Variants in SLC36A4 observed in about 807,000 individuals in gnomAD.
SLC36A4 encodes the protein neutral amino acid uniporter 4.
SLC36A4 carries 49 observed loss-of-function variants against 50.5 expected under a neutral mutation model. The ratio of observed to expected loss-of-function variants is 0.97; its 90% CI spans 0.77 to 1.23. SLC36A4 has a LOEUF of 1.23. SLC36A4 is among the 50% of genes most tolerant of loss of function. The pLI, the probability that SLC36A4 is intolerant of heterozygous loss-of-function variation, is 0.00. For missense variants in SLC36A4, 611 were observed against 608.4 expected (o/e 1.00, Z -0.05); for synonymous variants, 207 against 206.5 (o/e 1.00, Z -0.02).
intron 6 of SLC36A4, among the ~76,000 whole-genome samples, chr11:93,172,552 C>A (rs375729971): frequency 6.6e-6 from 1 of 150,978 alleles, no homozygotes. Flanking sequence ...CCCACTAACT[C>A]GTCATCTAGC....
chr11:93,192,605 C>T (rs1326673016), intron 1 of SLC36A4, among the ~76,000 whole-genome samples: 2 of 152,046 alleles, frequency 1.3e-5, no homozygotes, highest in African/African-American at 2.4e-5. Context: ...ATTTAACTTA[C>T]CTAAAATATC....
At chr11:93,167,678 A>G in intron 7 of SLC36A4, 1 of 381,342 alleles carries the variant, frequency 2.6e-6, no homozygotes, top group Non-Finnish European at 4.6e-6. Context: ...GGTAGGCATT[A>G]CTATCTTCTG....
intron 6 of SLC36A4, among the ~76,000 whole-genome samples, chr11:93,176,365 T>C (rs917677285): frequency 1.3e-5 from 2 of 152,142 alleles, no homozygotes; most frequent in East Asian, 1.9e-4. Context: ...ATGGGTTTCC[T>C]GAATACAGCA....
At chr11:93,196,286 G>A (rs1478035959) in intron 1 of SLC36A4, among the ~76,000 whole-genome samples, 3 of 151,998 alleles carry the variant, frequency 2.0e-5, no homozygotes, top group Non-Finnish European at 4.4e-5. Context: ...ATACTATAAT[G>A]AAAACCTCTT....
intron 1 of SLC36A4, among the ~76,000 whole-genome samples, chr11:93,190,248 A>G (rs1179084345): frequency 6.6e-6 from 1 of 152,196 alleles, no homozygotes; most frequent in African/African-American, 2.4e-5. Flanking sequence ...AAATTTAATT[A>G]TTCCTGGGTA....
chr11:93,178,226 C>T (rs757640677), intron 6 of SLC36A4, among the ~76,000 whole-genome samples: 1 of 152,170 alleles, frequency 6.6e-6, no homozygotes, highest in Non-Finnish European at 1.5e-5. Context: ...CTTGGTGTGC[C>T]ATTTGCTAAG....
intron 7 of SLC36A4, among the ~76,000 whole-genome samples, 159 bp downstream of exon 7, chr11:93,167,785 G>C (rs1344672410): frequency 1.3e-5 from 2 of 152,034 alleles, no homozygotes; most frequent in Admixed American, 6.6e-5. Context: ...TTCTAACTCA[G>C]CAGCATCCCC....
chr11:93,152,424 G>C (rs973474977), intron 10 of SLC36A4: 1 of 152,148 alleles, frequency 6.6e-6, no homozygotes, highest in African/African-American at 2.4e-5. Flanking sequence ...ATGAAGTTCA[G>C]GTTCAGTGTC....
intron 1 of SLC36A4, among the ~76,000 whole-genome samples, chr11:93,187,563 C>T (rs1862043629): frequency 1.3e-5 from 2 of 152,144 alleles, no homozygotes; most frequent in African/African-American, 2.4e-5. Context: ...TTAAGTGACA[C>T]ATTAAATTTT....
intron 1 of SLC36A4, among the ~76,000 whole-genome samples, chr11:93,194,229 A>G (rs1862329992): frequency 6.7e-6 from 1 of 150,088 alleles, no homozygotes; most frequent in Admixed American, 6.6e-5. Flanking sequence ...ATATAAAAAT[A>G]AAAAAAATTT....
intron 9 of SLC36A4, chr11:93,160,315 T>C: frequency 1.0e-6 from 1 of 985,450 alleles, no homozygotes; most frequent in Non-Finnish European, 1.2e-6. Context: ...TGACTGGCTT[T>C]CCTGTTTTTT....
chr11:93,183,913 T>C (rs1306459892), intron 3 of SLC36A4, among the ~76,000 whole-genome samples: 1 of 152,114 alleles, frequency 6.6e-6, no homozygotes, highest in African/African-American at 2.4e-5. Flanking sequence ...TTAGCCAGGA[T>C]GGTCTCAATC....
At chr11:93,191,272 C>G (rs749083579) in intron 1 of SLC36A4, among the ~76,000 whole-genome samples, 8 of 152,164 alleles carry the variant, frequency 5.3e-5, no homozygotes, top group Non-Finnish European at 1.0e-4. Flanking sequence ...TTACACTTAA[C>G]TCTAATTTTT....
At position 93,197,952 on chromosome 11, in the gene SLC36A4, C is replaced by T. The variant is rs1862511012; in HGVS notation, c.-120G>A. On this transcript the variant is annotated 5_prime_UTR_variant, in exon 1 of 11. Transcript: ENST00000326402. ...GGGACCCGCGCCTGGTGCCCGCCTC[C>T]CTGCCCCGGCGCTCCCCAACCGCGC... is the stretch of plus-strand genomic sequence containing the variant. 6 of 1,051,018 alleles carry T rather than the reference C, an allele frequency of 5.7e-6. No individual in the cohort carries two copies. Among genetic ancestry groups the T allele is most frequent in the Non-Finnish European group, 7.7e-6 (6 of 783,088 alleles). 65.1% of individuals were successfully genotyped at this position (1,051,018 alleles called of 1,614,324 possible). A position where few individuals can be genotyped will look rare whatever the true frequency, so the allele number is the denominator to read the frequency against.
At chr11:93,184,735 A>G (rs965101091) in intron 2 of SLC36A4, among the ~76,000 whole-genome samples, 3 of 152,338 alleles carry the variant, frequency 2.0e-5, no homozygotes, top group Admixed American at 1.3e-4. Context: ...ATATTAAATG[A>G]CATAGTTAAG....
intron 2 of SLC36A4, 42 bp from the exon 3 acceptor site, chr11:93,184,562 A>T (rs745538972): frequency 1.7e-6 from 2 of 1,154,642 alleles, no homozygotes; most frequent in South Asian, 1.3e-5. Flanking sequence ...TTTAGAACAA[A>T]ATCTATTATA....
intron 1 of SLC36A4, among the ~76,000 whole-genome samples, chr11:93,190,600 A>G (rs1862175569): frequency 6.6e-6 from 1 of 152,230 alleles, no homozygotes; most frequent in African/African-American, 2.4e-5. Flanking sequence ...CGAAGTTTAA[A>G]TAATTTGAGA....
At chr11:93,195,631 C>T (rs1166444727) in intron 1 of SLC36A4, among the ~76,000 whole-genome samples, 1 of 152,208 alleles carries the variant, frequency 6.6e-6, no homozygotes, top group Non-Finnish European at 1.5e-5. Context: ...TTGTTCTCCC[C>T]TTCCCTCAGG....
At chr11:93,175,094 G>A (rs1263455805) in intron 6 of SLC36A4, among the ~76,000 whole-genome samples, 3 of 151,708 alleles carry the variant, frequency 2.0e-5, no homozygotes, top group African/African-American at 4.8e-5. Flanking sequence ...TTTTTGGTTG[G>A]TAAACTATTG....
Sources: gnomAD v4.1 joint callset for allele counts (sites outside exome capture counted in the v4.1 genomes callset) on GRCh38, gnomAD v4.1.1 for gene constraint, MANE v1.5 for transcripts, NCBI Gene and HGNC (gene_info 2026-07-23, HGNC 2026-07-21) for gene names.